Variants in KIAA1958 observed in about 807,000 individuals in gnomAD.
The protein encoded by KIAA1958 is uncharacterized protein KIAA1958.
In KIAA1958, 14 loss-of-function variants were observed where a neutral mutation model predicts 47.2. The ratio of observed to expected loss-of-function variants is 0.30; its 90% CI spans 0.20 to 0.46. The LOEUF (loss-of-function observed/expected upper bound fraction) is 0.46, where lower values mean the gene tolerates loss of function less well. Among genes scored for constraint, KIAA1958 ranks in the 20% least tolerant of loss-of-function variants. The pLI is 1.00. For missense variants in KIAA1958, 803 were observed against 909.2 expected, an observed-to-expected ratio of 0.88 and a Z score of 1.50; for synonymous variants, 354 against 353.3, an observed-to-expected ratio of 1.00 and a Z score of -0.02.
At chr9:112,624,266 A>C (rs1329816296) in intron 2 of KIAA1958, among the ~76,000 whole-genome samples, 1 of 152,238 alleles carries the variant, frequency 6.6e-6, no homozygotes, top group Non-Finnish European at 1.5e-5. Context: ...TCTACCATAC[A>C]ATATGGTACA....
chr9:112,533,308 C>A (rs1768672514), intron 1 of KIAA1958, among the ~76,000 whole-genome samples: 1 of 151,732 alleles, frequency 6.6e-6, no homozygotes, highest in Non-Finnish European at 1.5e-5. Flanking sequence ...TGGCTCACTT[C>A]CAAAGTGCTG....
intron 1 of KIAA1958, among the ~76,000 whole-genome samples, chr9:112,533,412 A>G (rs577103057): frequency 2.9e-5 from 2 of 68,952 alleles, no homozygotes; most frequent in Non-Finnish European, 5.4e-5. Context: ...CCACTCTACT[A>G]AAAATACAAA....
At chr9:112,641,207 C>G (rs1305355679) in intron 2 of KIAA1958, among the ~76,000 whole-genome samples, 1 of 152,062 alleles carries the variant, frequency 6.6e-6, no homozygotes, top group African/African-American at 2.4e-5. Flanking sequence ...TGCTTGGATG[C>G]TACTTCTTTC....
chr9:112,492,167 TAAAC>T (rs1404881894), intron 1 of KIAA1958, among the ~76,000 whole-genome samples: 1 of 152,214 alleles, frequency 6.6e-6, no homozygotes, highest in Admixed American at 6.5e-5. Context: ...TTGGTTGTCT[TAAAC>T]AACAAAAATT....
chr9:112,575,097 T>G lies in KIAA1958; in HGVS notation c.1017T>G (p.Ser339=). The change falls in exon 2 of 4, where the codon TCT becomes TCG. Residue 339 remains serine, a synonymous_variant. Coordinates refer to ENST00000337530, the MANE Select transcript of KIAA1958 (RefSeq NM_133465.4). ...QLPGQDEQVA[S]EEFLSHLPSQ... ...CTGGACAGGATGAGCAAGTTGCCTC[T>G]GAAGAGTTCCTGTCCCATCTGCCCA... 1 of 1,611,330 alleles carries G rather than the reference T, an allele frequency of 6.2e-7. No homozygotes were observed. The highest frequency in any genetic ancestry group is 8.5e-7 in the Non-Finnish European group (1 of 1,180,008).
rs184541302 is a variant in KIAA1958 at position 112,636,946 on chromosome 9, C to A, written c.1172-8704C>A. Among the ~76,000 whole-genome samples the A allele has an allele frequency of 2.6e-3, 390 of 152,166 alleles. 3 individuals carry two copies. Among genetic ancestry groups the A allele is most frequent in the African/African-American group, 9.0e-3 (373 of 41,554 alleles). On this transcript the variant is annotated intron_variant, in intron 2 of 3. Coordinates refer to ENST00000337530, the MANE Select transcript of KIAA1958 (RefSeq NM_133465.4). ...ATGCCTTGTTTTTGATTAAACAAGT[C>A]TTTTTTATCCCATTTTCCTCCTCTG...
chr9:112,613,838 A>G (rs1009275449), intron 2 of KIAA1958, among the ~76,000 whole-genome samples: 24 of 152,174 alleles, frequency 1.6e-4, no homozygotes, highest in Non-Finnish European at 7.4e-5. Context: ...TGATATGACC[A>G]CTTTGGTAAA....
intron 1 of KIAA1958, among the ~76,000 whole-genome samples, chr9:112,528,223 G>A (rs1834694386): frequency 1.3e-5 from 2 of 152,062 alleles, no homozygotes; most frequent in African/African-American, 4.8e-5. Context: ...CAACTTGATG[G>A]TCTGGTGCCT....
intron 3 of KIAA1958, among the ~76,000 whole-genome samples, chr9:112,653,081 A>G (rs894867038): frequency 2.0e-5 from 3 of 152,256 alleles, no homozygotes; most frequent in African/African-American, 7.2e-5. Flanking sequence ...GGAAAGGACC[A>G]TAATAAAAAT....
chr9:112,605,128 CT>C (rs1836207473), intron 2 of KIAA1958, among the ~76,000 whole-genome samples: 1 of 151,180 alleles, frequency 6.6e-6, no homozygotes, highest in Admixed American at 6.6e-5. Flanking sequence ...TTTGCTAAAG[CT>C]GTCTCTAAGC....
At chr9:112,502,276 G>T (rs1834155021) in intron 1 of KIAA1958, among the ~76,000 whole-genome samples, 1 of 152,178 alleles carries the variant, frequency 6.6e-6, no homozygotes, top group Non-Finnish European at 1.5e-5. Flanking sequence ...TAATAAACAA[G>T]ACATTATTTA....
At chr9:112,572,739 G>A (rs1835561046) in intron 1 of KIAA1958, among the ~76,000 whole-genome samples, 1 of 152,232 alleles carries the variant, frequency 6.6e-6, no homozygotes, top group Non-Finnish European at 1.5e-5. Context: ...GGGACCACAA[G>A]AAGTGTGGGA....
chr9:112,589,732 G>A (rs1230402675), intron 2 of KIAA1958, among the ~76,000 whole-genome samples: 2 of 152,216 alleles, frequency 1.3e-5, no homozygotes, highest in African/African-American at 2.4e-5. Flanking sequence ...CCTTTCCAGA[G>A]CAGGTAGAGA....
chr9:112,553,285 C>T (rs546913441), intron 1 of KIAA1958, among the ~76,000 whole-genome samples: 1 of 151,720 alleles, frequency 6.6e-6, no homozygotes, highest in South Asian at 2.1e-4. Flanking sequence ...TTCCCAGACT[C>T]AAGCATTCCT....
intron 3 of KIAA1958, among the ~76,000 whole-genome samples, chr9:112,657,391 C>A (rs1837168387): frequency 6.6e-6 from 1 of 152,030 alleles, no homozygotes; most frequent in Non-Finnish European, 1.5e-5. Flanking sequence ...CATGCCCAAC[C>A]CCACTCTACG....
intron 1 of KIAA1958, among the ~76,000 whole-genome samples, chr9:112,526,746 A>G (rs10759575): frequency 0.95 from 145,372 of 152,290 alleles, 69,456 homozygotes; most frequent in African/African-American, 0.99. Flanking sequence ...TGAAGGTGGA[A>G]CCCGCATGGC....
chr9:112,642,505 C>G (rs564557115), intron 2 of KIAA1958, among the ~76,000 whole-genome samples: 1 of 152,332 alleles, frequency 6.6e-6, no homozygotes, highest in East Asian at 1.9e-4. Flanking sequence ...TCCCTCACTT[C>G]ACGCAGCCGT....
In KIAA1958 at chr9:112,660,147, G is replaced by C; in HGVS notation, c.*78G>C. Reference sequence around the variant, plus strand: ...TTGGAGCAGCTGGAGCTCCTTGGAGGCAGGGGCTGACCAGGTGTGACCTCC... The same window carrying C: ...TTGGAGCAGCTGGAGCTCCTTGGAGCCAGGGGCTGACCAGGTGTGACCTCC... On this transcript the variant is annotated 3_prime_UTR_variant, in exon 4 of 4. Transcript: ENST00000337530. The C allele has an allele frequency of 7.4e-7, 1 of 1,348,534 alleles. No individual in the cohort carries two copies. Among genetic ancestry groups the C allele is most frequent in the South Asian group, 1.3e-5 (1 of 77,590 alleles). 83.5% of individuals were successfully genotyped at this position (1,348,534 alleles called of 1,614,324 possible). A position where few individuals can be genotyped will look rare whatever the true frequency, so the allele number is the denominator to read the frequency against.
At chr9:112,522,534 G>A (rs776095993) in intron 1 of KIAA1958, among the ~76,000 whole-genome samples, 29 of 152,052 alleles carry the variant, frequency 1.9e-4, no homozygotes, top group Admixed American at 1.4e-3. Flanking sequence ...CCTAGCCTGG[G>A]TCTTTGTTGG....
Sources: gnomAD v4.1 joint callset for allele counts (sites outside exome capture counted in the v4.1 genomes callset) on GRCh38, gnomAD v4.1.1 for gene constraint, MANE v1.5 for transcripts, NCBI Gene and HGNC (gene_info 2026-07-23, HGNC 2026-07-21) for gene names.